Variants in MTREX observed in about 807,000 individuals in gnomAD.
MTREX encodes Mtr4 exosome RNA helicase.
MTREX carries 76 observed loss-of-function variants against 135.4 expected under a neutral mutation model. That is an observed-to-expected ratio of 0.56 (90% CI 0.47 to 0.68). The LOEUF is 0.68. Among genes scored for constraint, MTREX ranks in the 30% least tolerant of loss-of-function variants. The pLI, the probability that MTREX is intolerant of heterozygous loss-of-function variation, is 0.00. For missense variants in MTREX, 920 were observed against 1,262.1 expected (o/e 0.73, Z 4.11); for synonymous variants, 404 against 401.6 (o/e 1.01, Z -0.07).
chr5:55,407,480 G>A (rs1009716853), intron 22 of MTREX, among the ~76,000 whole-genome samples: 2 of 152,076 alleles, frequency 1.3e-5, no homozygotes, highest in Admixed American at 6.6e-5. Context: ...TAGATTTTGT[G>A]TTGAAAGAAT....
chr5:55,392,178 G>A (rs1035113410), intron 19 of MTREX, among the ~76,000 whole-genome samples: 2 of 152,096 alleles, frequency 1.3e-5, no homozygotes, highest in African/African-American at 4.8e-5. Flanking sequence ...TGGCCACCAA[G>A]GTCTCTGCTT....
chr5:55,393,450 A>G (rs1314761718), intron 19 of MTREX, among the ~76,000 whole-genome samples: 1 of 152,246 alleles, frequency 6.6e-6, no homozygotes, highest in Non-Finnish European at 1.5e-5. Context: ...CAGTTGGTTC[A>G]AAAAACAACT....
At chr5:55,388,200 T>C in intron 19 of MTREX, 98 bp downstream of exon 19, 1 of 1,055,234 alleles carries the variant, frequency 9.5e-7, no homozygotes, top group Non-Finnish European at 1.3e-6. Context: ...CATACTATCA[T>C]GATTTCTAAA....
intron 22 of MTREX, among the ~76,000 whole-genome samples, chr5:55,406,053 A>C (rs555405172): frequency 4.0e-4 from 61 of 152,346 alleles, no homozygotes; most frequent in African/African-American, 1.3e-3. Flanking sequence ...GTGCATAGCA[A>C]ATTGTAATGA....
chr5:55,330,360 A>G (rs1416396354), intron 5 of MTREX, among the ~76,000 whole-genome samples: 2 of 151,952 alleles, frequency 1.3e-5, no homozygotes, highest in Non-Finnish European at 2.9e-5. Context: ...ATAGGCATGA[A>G]CTGAATGCAT....
chr5:55,359,722 G>C (rs1041040547), intron 15 of MTREX, among the ~76,000 whole-genome samples: 3 of 152,178 alleles, frequency 2.0e-5, no homozygotes, highest in Non-Finnish European at 4.4e-5. Context: ...AATTGTGCCA[G>C]ATATAGCACA....
Position 55,416,092 on chromosome 5 carries a change from T to C in MTREX, c.2931T>C (p.Ala977=). The C allele has an allele frequency of 6.3e-7, 1 of 1,592,522 alleles. No individual in the cohort carries two copies. The highest frequency in any genetic ancestry group is 1.8e-5 in the Admixed American group (1 of 54,698). ...TAGTATATACCTGGGCAACTGGAGC[T>C]ACATTTGCCCATATCTGCAAAATGA... is the stretch of plus-strand genomic sequence containing the variant. The part of the protein sequence containing the change: ...MDVVYTWATG[A]TFAHICKMTD... Residue 977 remains alanine, a synonymous_variant, in exon 25 of 27, where the codon GCT becomes GCC. Transcript: ENST00000230640.
chr5:55,325,858 G>A lies in MTREX; in HGVS notation c.339+1660G>A, dbSNP rs183964148. Reference sequence around the variant, plus strand: ...ACCCTATGTTTAGCTCTCACTAAACGTAGTGAGAATATGCGGTATTTGATT... The same window carrying A: ...ACCCTATGTTTAGCTCTCACTAAACATAGTGAGAATATGCGGTATTTGATT... On this transcript the variant is annotated intron_variant, in intron 3 of 26. Coordinates refer to ENST00000230640, the MANE Select transcript of MTREX (RefSeq NM_015360.5). Among the ~76,000 whole-genome samples, 15 of 152,216 alleles carry A rather than the reference G, an allele frequency of 9.9e-5. 1 individual carries two copies. The East Asian group carries it at 2.3e-3, about 23-fold the overall frequency.
At chr5:55,398,233 T>C (rs573706488) in intron 20 of MTREX, among the ~76,000 whole-genome samples, 9,092 of 151,182 alleles carry the variant, frequency 0.06, 495 homozygotes, top group African/African-American at 0.12. Flanking sequence ...GAGTGAGAAC[T>C]TGTCTCTTTT....
intron 11 of MTREX, among the ~76,000 whole-genome samples, 157 bp from the exon 12 acceptor site, chr5:55,349,416 T>C (rs1749789154): frequency 6.6e-6 from 1 of 152,178 alleles, no homozygotes; most frequent in Admixed American, 6.5e-5. Context: ...CTCAAACTTC[T>C]GGCCTCAAGC....
At chr5:55,367,833 T>A (rs1445279666) in intron 16 of MTREX, among the ~76,000 whole-genome samples, 5 of 152,188 alleles carry the variant, frequency 3.3e-5, no homozygotes, top group Non-Finnish European at 7.3e-5. Context: ...AAACCACTGG[T>A]TTGGATAAAT....
intron 18 of MTREX, among the ~76,000 whole-genome samples, chr5:55,383,721 A>AT (rs996553338): frequency 1.3e-5 from 2 of 151,428 alleles, no homozygotes; most frequent in Non-Finnish European, 2.9e-5. Context: ...ATGTAGATGA[A>AT]TTTTTTTTTC....
chr5:55,329,183 G>A (rs904636039), intron 5 of MTREX, among the ~76,000 whole-genome samples: 1 of 151,438 alleles, frequency 6.6e-6, no homozygotes, highest in African/African-American at 2.4e-5. Flanking sequence ...ATTTTGTCAA[G>A]TGCTTTTTTT....
chr5:55,417,064 T>A (rs1750977123), intron 25 of MTREX, among the ~76,000 whole-genome samples: 1 of 152,190 alleles, frequency 6.6e-6, no homozygotes, highest in African/African-American at 2.4e-5. Context: ...TACATTGAAC[T>A]TTATGGGTTT....
In MTREX at chr5:55,405,415, T is replaced by C. The variant is rs181981115; in HGVS notation, c.2482-10T>C. The C allele has an allele frequency of 1.7e-3, 2,700 of 1,605,594 alleles. 7 individuals are homozygous for C. The highest frequency in any genetic ancestry group is 7.5e-3 in the Middle Eastern group (45 of 6,038). On this transcript the variant is annotated splice_polypyrimidine_tract_variant and intron_variant, in intron 21 of 26. Coordinates refer to ENST00000230640, the MANE Select transcript of MTREX (RefSeq NM_015360.5). ...TTATTGAACTTTCTTTATACTTTCA[T>C]GTGCTTTAGATTGCAATAGATATTA...
At chr5:55,398,124 G>A (rs1750672775) in intron 20 of MTREX, among the ~76,000 whole-genome samples, 1 of 152,030 alleles carries the variant, frequency 6.6e-6, no homozygotes. Context: ...TATAATCCCA[G>A]TTACTCAGGA....
At position 55,351,171 on chromosome 5, in the gene MTREX, A is replaced by G. The variant is rs10471412; in HGVS notation, c.1431+142A>G. Reference sequence around the variant, plus strand: ...CTTAAATAATGAACTTAATTTTTATATATGATGTTATACTTAAATAAATCT... The same window carrying G: ...CTTAAATAATGAACTTAATTTTTATGTATGATGTTATACTTAAATAAATCT... On this transcript the variant is annotated intron_variant, in intron 13 of 26. Coordinates refer to ENST00000230640, the MANE Select transcript of MTREX (RefSeq NM_015360.5). 182,436 of 985,520 alleles carry G rather than the reference A, an allele frequency of 0.19. 17,813 individuals are homozygous for G. Among genetic ancestry groups the G allele is most frequent in the Admixed American group, 0.19 (4,808 of 24,942 alleles). The allele number at this position is 985,520 out of a possible 1,614,324, so 61.0% of individuals were successfully genotyped here.
chr5:55,403,317 A>G (rs1175575465), intron 21 of MTREX, among the ~76,000 whole-genome samples: 1 of 152,150 alleles, frequency 6.6e-6, no homozygotes, highest in Non-Finnish European at 1.5e-5. Context: ...ACGGATATGT[A>G]GGGCCAACTG....
At chr5:55,419,489 T>C (rs1045518446) in intron 25 of MTREX, among the ~76,000 whole-genome samples, 1 of 152,216 alleles carries the variant, frequency 6.6e-6, no homozygotes, top group South Asian at 2.1e-4. Context: ...TAAGTATTTA[T>C]TCTGTTATCA....
Sources: gnomAD v4.1 joint callset for allele counts (sites outside exome capture counted in the v4.1 genomes callset) on GRCh38, gnomAD v4.1.1 for gene constraint, MANE v1.5 for transcripts, NCBI Gene and HGNC (gene_info 2026-07-23, HGNC 2026-07-21) for gene names.